GALNT13: variants seen among roughly 807,000 people sequenced by gnomAD.
The protein encoded by GALNT13 is polypeptide N-acetylgalactosaminyltransferase 13, also known as UDP-GalNAc:polypeptide N-acetylgalactosaminyltransferase 13.
In GALNT13, 28 loss-of-function variants were observed where a neutral mutation model predicts 64.2. The observed-to-expected ratio is 0.44, with a 90% CI of 0.32 to 0.60. GALNT13 has a LOEUF of 0.60. GALNT13 is among the 20% of genes least tolerant of loss of function. The pLI, the probability that GALNT13 is intolerant of heterozygous loss-of-function variation, is 0.05. For synonymous variants in GALNT13, 214 were observed against 224.6 expected, an observed-to-expected ratio of 0.95 and a Z score of 0.42; for missense variants, 577 against 669.8, an observed-to-expected ratio of 0.86 and a Z score of 1.53.
chr2:154,339,244 T>C (rs1163508553), intron 9 of GALNT13, among the ~76,000 whole-genome samples: 1 of 152,134 alleles, frequency 6.6e-6, no homozygotes, highest in Non-Finnish European at 1.5e-5. Context: ...GCAGTTGGTA[T>C]ATCTATCATT....
the GALNT13 span, among the ~76,000 whole-genome samples, chr2:153,653,079 C>T: frequency 6.6e-6 from 1 of 152,020 alleles, no homozygotes; most frequent in Non-Finnish European, 1.5e-5. Flanking sequence ...GAGAGATTAG[C>T]CTTGCAATTG....
chr2:153,118,876 C>T, the GALNT13 span, among the ~76,000 whole-genome samples: 1 of 152,054 alleles, frequency 6.6e-6, no homozygotes, highest in East Asian at 1.9e-4. Flanking sequence ...TTGACTGTGT[C>T]CCCACCCAAA....
chr2:153,134,326 T>C, the GALNT13 span, among the ~76,000 whole-genome samples: 2 of 152,172 alleles, frequency 1.3e-5, no homozygotes, highest in African/African-American at 4.8e-5. Context: ...ATGAGTCCTC[T>C]ACTTTTGTGT....
At chr2:153,153,546 C>A in the GALNT13 span, among the ~76,000 whole-genome samples, 266 of 152,052 alleles carry the variant, frequency 1.7e-3, no homozygotes, top group African/African-American at 6.1e-3. Context: ...AGTCTTTAAT[C>A]CATCTTGAGT....
chr2:153,324,275 T>C, the GALNT13 span, among the ~76,000 whole-genome samples: 1 of 152,346 alleles, frequency 6.6e-6, no homozygotes, highest in African/African-American at 2.4e-5. Flanking sequence ...GTGAGTTCAC[T>C]CATGATTTGG....
chr2:153,258,667 A>G, the GALNT13 span, among the ~76,000 whole-genome samples: 121 of 151,748 alleles, frequency 8.0e-4, no homozygotes, highest in African/African-American at 2.9e-3. Flanking sequence ...CCATTTTTTC[A>G]TTTATTTCAA....
intron 4 of GALNT13, among the ~76,000 whole-genome samples, chr2:154,191,157 A>C (rs1686555712): frequency 1.3e-5 from 2 of 152,310 alleles, no homozygotes; most frequent in African/African-American, 4.8e-5. Flanking sequence ...GCCTGCTCTA[A>C]TGAGGTGTTT....
intron 4 of GALNT13, among the ~76,000 whole-genome samples, chr2:154,215,704 GAGA>G (rs1688005653): frequency 6.6e-6 from 1 of 152,018 alleles, no homozygotes; most frequent in Non-Finnish European, 1.5e-5. Flanking sequence ...CTTCCATAAA[GAGA>G]AGAATTTTTT....
the GALNT13 span, among the ~76,000 whole-genome samples, chr2:153,751,385 G>C: frequency 1.3e-5 from 2 of 150,260 alleles, no homozygotes; most frequent in Non-Finnish European, 3.0e-5. Context: ...CTCTTTTTCT[G>C]ATGTTCTGTT....
chr2:154,298,460 C>CATATATAAATT (rs1298335596), intron 8 of GALNT13, among the ~76,000 whole-genome samples: 10 of 103,186 alleles, frequency 9.7e-5, no homozygotes, highest in African/African-American at 1.3e-4. Context: ...TTTATATATA[C>CATATATAAATT]ATATATAAAT....
chr2:154,307,367 G>C (rs949799433), intron 9 of GALNT13, among the ~76,000 whole-genome samples: 1 of 152,194 alleles, frequency 6.6e-6, no homozygotes, highest in African/African-American at 2.4e-5. Context: ...ATACATTTTG[G>C]TATTTATATT....
the GALNT13 span, among the ~76,000 whole-genome samples, chr2:153,244,360 G>A: frequency 2.5e-3 from 379 of 152,298 alleles, 4 homozygotes; most frequent in Admixed American, 4.6e-3. Flanking sequence ...CTGAAGAGGG[G>A]CCAAGATGGC....
At chr2:154,331,187 A>G (rs1695148476) in intron 9 of GALNT13, among the ~76,000 whole-genome samples, 1 of 152,166 alleles carries the variant, frequency 6.6e-6, no homozygotes, top group Non-Finnish European at 1.5e-5. Context: ...AGATAAAAGT[A>G]ATACAAGCTT....
chr2:153,318,590 A>G, the GALNT13 span, among the ~76,000 whole-genome samples: 1 of 152,062 alleles, frequency 6.6e-6, no homozygotes, highest in African/African-American at 2.4e-5. Context: ...AATGAATGAA[A>G]TTAGATATTG....
chr2:153,534,302 T>C, the GALNT13 span, among the ~76,000 whole-genome samples: 45 of 152,132 alleles, frequency 3.0e-4, no homozygotes, highest in South Asian at 9.3e-3. Context: ...AATAATTTGG[T>C]AGGTGTGAGG....
chr2:154,077,560 A>G (rs968597222), intron 3 of GALNT13, among the ~76,000 whole-genome samples: 2 of 151,592 alleles, frequency 1.3e-5, no homozygotes, highest in Non-Finnish European at 3.0e-5. Flanking sequence ...AGATTTTAAA[A>G]TATAATATTG....
the GALNT13 span, among the ~76,000 whole-genome samples, chr2:153,214,038 A>G: frequency 6.6e-6 from 1 of 152,198 alleles, no homozygotes; most frequent in Non-Finnish European, 1.5e-5. Context: ...GAAGGCCACT[A>G]TATCTTATTA....
chr2:153,148,206 C>T, the GALNT13 span, among the ~76,000 whole-genome samples: 1 of 151,866 alleles, frequency 6.6e-6, no homozygotes, highest in African/African-American at 2.4e-5. Context: ...CTTTAAATTA[C>T]TCCTTTGTGG....
chr2:154,443,256 C>G (rs1452966161), intron 12 of GALNT13, among the ~76,000 whole-genome samples: 1 of 152,024 alleles, frequency 6.6e-6, no homozygotes, highest in Non-Finnish European at 1.5e-5. Flanking sequence ...AGATTAGCGT[C>G]ATATTTGTAG....
Sources: gnomAD v4.1 joint callset for allele counts (sites outside exome capture counted in the v4.1 genomes callset) on GRCh38, gnomAD v4.1.1 for gene constraint, MANE v1.5 for transcripts, NCBI Gene and HGNC (gene_info 2026-07-23, HGNC 2026-07-21) for gene names.